The following MID1 variants were observed in gnomAD, a reference collection of about 807,000 sequenced individuals.
MID1 encodes the protein E3 ubiquitin-protein ligase Midline-1.
In MID1, 7 loss-of-function variants were observed where a neutral mutation model predicts 40.4. The ratio of observed to expected loss-of-function variants is 0.17; its 90% CI spans 0.10 to 0.33. The LOEUF (loss-of-function observed/expected upper bound fraction) is 0.33. Ranked by LOEUF, MID1 falls within the 10% of genes least tolerant of loss-of-function variation. The pLI, the probability that MID1 is intolerant of heterozygous loss-of-function variation, is 1.00. For missense variants in MID1, 367 were observed against 558.5 expected (o/e 0.66, Z 3.46); for synonymous variants, 229 against 221.2 (o/e 1.04, Z -0.31).
At chrX:10,474,495 T>C in intron 6 of MID1, 128 bp downstream of exon 6, 2 of 668,694 alleles carry the variant, frequency 3.0e-6, no homozygotes, top group Non-Finnish European at 2.3e-6. Flanking sequence ...AAATTGTTTA[T>C]GGAAATATCA....
intron 2 of MID1, among the ~76,000 whole-genome samples, chrX:10,545,769 G>A (rs1219451405): frequency 2.7e-5 from 3 of 111,399 alleles, no homozygotes; most frequent in African/African-American, 6.5e-5. Context: ...AGGAGGAGGC[G>A]GAAACATACC....
chrX:10,454,193 T>G (rs1279333330), intron 9 of MID1, among the ~76,000 whole-genome samples: 3 of 111,643 alleles, frequency 2.7e-5, no homozygotes, highest in Non-Finnish European at 5.6e-5. Context: ...CTGGGCTGGA[T>G]CTAACAGGCC....
At chrX:10,595,160 G>A (rs771747278) in intron 1 of MID1, among the ~76,000 whole-genome samples, 1 of 111,678 alleles carries the variant, frequency 9.0e-6, no homozygotes, top group Admixed American at 9.5e-5. Context: ...CTGGCACATG[G>A]CAGAGACCAG....
intron 2 of MID1, among the ~76,000 whole-genome samples, chrX:10,541,962 T>C (rs1407617829): frequency 2.7e-5 from 3 of 111,749 alleles, no homozygotes. Context: ...TACTTAAGAG[T>C]CAAATGATGG....
Position 10,748,989 on chromosome X carries a change from G to T in MID1, c.-187+84565C>A, listed in dbSNP as rs751118353. On this transcript the variant is annotated intron_variant, in intron 1 of 10. Transcript: ENST00000380785. ...GATGTATATTTCTCATTTCTTCAGG[G>T]TATATTATTTCTGGAAGGTTCTAAG... Among the ~76,000 whole-genome samples, 6 of 111,202 alleles carry T rather than the reference G, an allele frequency of 5.4e-5. No individual in the cohort carries two copies. The East Asian group carries it at 1.7e-3, about 31-fold the overall frequency.
rs890739482 is a variant in MID1, at chrX:10,539,299, C to A, written c.661-16112G>T. 1.8e-4 allele frequency among the ~76,000 whole-genome samples: 20 copies of A among 111,744 alleles called. No homozygotes were observed. The Admixed American group carries it at 1.8e-3, about 10-fold the overall frequency. On this transcript the variant is annotated intron_variant, in intron 2 of 9. Transcript: ENST00000317552. ...CCAAGAATGAAATCATTAGATCGTG[C>A]GGCTGGCTCTAGATCAGACAGATGA...
chrX:10,691,430 T>C (rs2043130806), intron 1 of MID1, among the ~76,000 whole-genome samples: 1 of 111,510 alleles, frequency 9.0e-6, no homozygotes, highest in African/African-American at 3.3e-5. Flanking sequence ...TGGACACTTA[T>C]CAGTTCCCAA....
chrX:10,761,476 G>C (rs1356926559), intron 1 of MID1, among the ~76,000 whole-genome samples: 1 of 112,117 alleles, frequency 8.9e-6, no homozygotes, highest in Non-Finnish European at 1.9e-5. Flanking sequence ...ACAGTACACT[G>C]TGGGCAGGGT....
intron 1 of MID1, among the ~76,000 whole-genome samples, chrX:10,692,652 CT>C (rs2043138783): frequency 9.0e-6 from 1 of 111,479 alleles, no homozygotes; most frequent in Non-Finnish European, 1.9e-5. Flanking sequence ...ACTTTACATT[CT>C]TTTTTTGTAG....
intron 5 of MID1, among the ~76,000 whole-genome samples, chrX:10,482,205 C>A (rs752019176): frequency 8.9e-6 from 1 of 111,743 alleles, no homozygotes; most frequent in Admixed American, 9.5e-5. Flanking sequence ...CATAAGCTCC[C>A]CCCTCGTCCA....
Position 10,523,193 on chromosome X carries a change from C to CAAAAAAAAA in MID1, c.661-15_661-7dup. 1.3e-6 allele frequency: 1 copy of CAAAAAAAAA among 785,057 alleles called. No homozygotes were observed. Among genetic ancestry groups the CAAAAAAAAA allele is most frequent in the Admixed American group, 4.0e-5 (1 of 25,263 alleles). The allele number at this position is 785,057 out of a possible 1,213,427, so 64.7% of individuals were successfully genotyped here. On this transcript the variant is annotated splice_region_variant and splice_polypyrimidine_tract_variant and intron_variant, in intron 2 of 9. Coordinates refer to ENST00000317552, the MANE Select transcript of MID1 (RefSeq NM_000381.4). ...AGGTTACTCTCTAAGTTTTGCTGTT[C>CAAAAAAAAA]AAAAAAAAAAAAAAAAGAGGAAAAA...
intron 1 of MID1, among the ~76,000 whole-genome samples, chrX:10,695,099 A>T (rs1364669247): frequency 7.1e-5 from 8 of 112,032 alleles, no homozygotes; most frequent in Non-Finnish European, 1.3e-4. Context: ...TCCTGTAATT[A>T]ACATTACTAT....
chrX:10,459,317 C>T lies in MID1; in HGVS notation c.1447+329G>A, dbSNP rs374272469. Among the ~76,000 whole-genome samples, 4 of 112,020 alleles carry T rather than the reference C, an allele frequency of 3.6e-5. No homozygotes were observed. The East Asian group carries it at 8.4e-4, about 24-fold the overall frequency. On this transcript the variant is annotated intron_variant, in intron 8 of 9. Coordinates refer to ENST00000317552, the MANE Select transcript of MID1 (RefSeq NM_000381.4). ...ATAACACTATCCACCATTTACAGAG[C>T]CCCTACTGTGTGTCAGGTCTTACAT...
chrX:10,715,014 A>G (rs750994168), intron 1 of MID1, among the ~76,000 whole-genome samples: 122 of 112,858 alleles, frequency 1.1e-3, no homozygotes, highest in Middle Eastern at 4.6e-3. Context: ...AAATAATTTA[A>G]TTGGCATGCA....
chrX:10,515,202 C>A (rs1347606477), intron 3 of MID1, among the ~76,000 whole-genome samples: 3 of 112,091 alleles, frequency 2.7e-5, no homozygotes, highest in Non-Finnish European at 5.6e-5. Flanking sequence ...TCTTTTTAAC[C>A]CAGTGATTTT....
intron 3 of MID1, chrX:10,501,273 G>T: frequency 1.8e-6 from 1 of 550,282 alleles, no homozygotes; most frequent in Non-Finnish European, 2.8e-6. Context: ...CTCAGGCTAG[G>T]CTCCTCAATA....
intron 1 of MID1, among the ~76,000 whole-genome samples, chrX:10,697,293 C>T (rs890152418): frequency 2.7e-5 from 3 of 111,485 alleles, no homozygotes; most frequent in Admixed American, 1.9e-4. Context: ...TTTAATGATC[C>T]GTCCAAGAAT....
At chrX:10,665,317 C>G (rs776798659) in intron 1 of MID1, among the ~76,000 whole-genome samples, 1 of 111,696 alleles carries the variant, frequency 9.0e-6, no homozygotes, top group African/African-American at 3.3e-5. Flanking sequence ...CAGACCCTGA[C>G]TTTTAAAGCA....
chrX:10,674,378 G>A (rs2043007841), intron 1 of MID1, among the ~76,000 whole-genome samples: 1 of 112,532 alleles, frequency 8.9e-6, no homozygotes, highest in African/African-American at 3.2e-5. Context: ...AGAACAGCAC[G>A]AGTTGGTCTT....
Sources: gnomAD v4.1 joint callset for allele counts (sites outside exome capture counted in the v4.1 genomes callset) on GRCh38, gnomAD v4.1.1 for gene constraint, MANE v1.5 for transcripts, NCBI Gene and HGNC (gene_info 2026-07-23, HGNC 2026-07-21) for gene names.